TTC14: variants seen among roughly 807,000 people sequenced by gnomAD.
TTC14 encodes the protein tetratricopeptide repeat protein 14.
TTC14 carries 63 observed loss-of-function variants against 79.9 expected under a neutral mutation model. That is an observed-to-expected ratio of 0.79 (90% confidence interval 0.64 to 0.97). The LOEUF (loss-of-function observed/expected upper bound fraction) is 0.97. TTC14 is among the 50% of genes least tolerant of loss of function. The probability of loss-of-function intolerance (pLI) is 0.00; values close to 1 mark genes in which losing one functional copy is unlikely to be tolerated. For synonymous variants in TTC14, 335 were observed against 309.6 expected, an observed-to-expected ratio of 1.08 and a Z score of -0.86; for missense variants, 895 against 894.0, an observed-to-expected ratio of 1.00 and a Z score of -0.01.
At chr3:180,615,093 GAATTATA>G, downstream of TTC14, 1 of 1,505,784 alleles carries the variant, frequency 6.6e-7, no homozygotes, top group Non-Finnish European at 8.8e-7. Context: ...AGAAAAACCA[GAATTATA>G]AATTCAATGC....
downstream of TTC14, among the ~76,000 whole-genome samples, chr3:180,613,460 T>C (rs1255137936): frequency 6.6e-6 from 1 of 152,216 alleles, no homozygotes; most frequent in East Asian, 1.9e-4. Flanking sequence ...AATTCTGTGC[T>C]AAGCTCCAGG....
chr3:180,612,305 T>C (rs896381614), downstream of TTC14, among the ~76,000 whole-genome samples: 3 of 152,180 alleles, frequency 2.0e-5, no homozygotes, highest in Non-Finnish European at 4.4e-5. Flanking sequence ...GGGGTACACA[T>C]GCATTTTTGT....
At chr3:180,603,916 C>A in intron 3 of TTC14, 1 of 304,658 alleles carries the variant, frequency 3.3e-6, no homozygotes, top group South Asian at 4.3e-5. Context: ...TTCATTTTCA[C>A]TGGAATCCTT....
Position 180,602,230 on chromosome 3 carries a change from C to T in TTC14, c.-32C>T, listed in dbSNP as rs1341527696. 6.2e-7 allele frequency: 1 copy of T among 1,610,422 alleles called. No individual in the cohort carries two copies. Among genetic ancestry groups the T allele is most frequent in the Non-Finnish European group, 8.5e-7 (1 of 1,178,326 alleles). Reference sequence around the variant, plus strand: ...GGACACGGAACAGGGAACTATCAGCCCGTCGGCCTCCGGGCCCTGCATTCT... The same window carrying T: ...GGACACGGAACAGGGAACTATCAGCTCGTCGGCCTCCGGGCCCTGCATTCT... On this transcript the variant is annotated 5_prime_UTR_variant, in exon 1 of 12. Transcript: ENST00000296015.
Position 180,603,110 on chromosome 3 carries a change from T to A in TTC14, c.287-14T>A, listed in dbSNP as rs1402224049. On this transcript the variant is annotated splice_polypyrimidine_tract_variant and intron_variant, in intron 2 of 11. Coordinates refer to ENST00000296015, the MANE Select transcript of TTC14 (RefSeq NM_133462.4). ...AAACTATCGTTAGTGATTTTGTTAA[T>A]TTTTTTTTTTTAGATCATTATGCAA... The A allele has an allele frequency of 1.5e-5, 10 of 675,416 alleles. No individual in the cohort carries two copies. The highest frequency in any genetic ancestry group is 4.9e-5 in the East Asian group (1 of 20,280). The allele number at this position is 675,416 out of a possible 1,614,324, so 41.8% of individuals were successfully genotyped here.
intron 3 of TTC14, 177 bp from the exon 4 acceptor site, chr3:180,604,048 C>A: frequency 1.6e-6 from 1 of 623,822 alleles, no homozygotes; most frequent in South Asian, 2.0e-5. Flanking sequence ...ACTGAACCAG[C>A]AAACATATTT....
At position 180,610,743 on chromosome 3, in the gene TTC14, TTATGTA is replaced by T. The variant is rs1716957842; in HGVS notation, c.*207_*212del. Reference sequence around the variant, plus strand: ...TGTCACAGCTTGGTTTTTAGACTTTTTATGTATATGTTTATGTACAGTATATTACTC... The same window carrying T: ...TGTCACAGCTTGGTTTTTAGACTTTTTATGTTTATGTACAGTATATTACTC... On this transcript the variant is annotated 3_prime_UTR_variant, in exon 12 of 12. Transcript: ENST00000296015. 4 of 1,281,700 alleles carry T rather than the reference TTATGTA, an allele frequency of 3.1e-6. No individual in the cohort carries two copies. The highest frequency in any genetic ancestry group is 3.1e-4 in the Middle Eastern group (1 of 3,248). 79.4% of individuals were successfully genotyped at this position (1,281,700 alleles called of 1,614,324 possible). A position where few individuals can be genotyped will look rare whatever the true frequency, so the allele number is the denominator to read the frequency against.
At chr3:180,607,166 T>C (rs1456560409) in intron 9 of TTC14, among the ~76,000 whole-genome samples, 1 of 152,182 alleles carries the variant, frequency 6.6e-6, no homozygotes, top group African/African-American at 2.4e-5. Context: ...TTTTGACTGC[T>C]TTATGTCCAA....
At chr3:180,613,119 A>G (rs958188550), downstream of TTC14, among the ~76,000 whole-genome samples, 1 of 152,228 alleles carries the variant, frequency 6.6e-6, no homozygotes, top group African/African-American at 2.4e-5. Flanking sequence ...TTTATTAGGT[A>G]GGCGCAAAAG....
At chr3:180,607,118 C>A (rs1716741719) in intron 9 of TTC14, among the ~76,000 whole-genome samples, 2 of 152,234 alleles carry the variant, frequency 1.3e-5, no homozygotes, top group South Asian at 2.1e-4. Flanking sequence ...ATAGTAATTT[C>A]TTTTTCCTTC....
chr3:180,602,688 G>C, intron 1 of TTC14: 1 of 712,592 alleles, frequency 1.4e-6, no homozygotes, highest in East Asian at 2.8e-5. Flanking sequence ...ATCTGAGTTG[G>C]AGGCGTCACT....
chr3:180,614,973 G>A, downstream of TTC14: 1 of 1,566,576 alleles, frequency 6.4e-7, no homozygotes, highest in Non-Finnish European at 8.7e-7. Context: ...ACTAGCACTA[G>A]ATGGCCTAGA....
intron 7 of TTC14, 192 bp downstream of exon 7, chr3:180,606,029 C>T: frequency 2.5e-6 from 2 of 815,632 alleles, no homozygotes; most frequent in South Asian, 3.8e-5. Flanking sequence ...CTCAGCATTT[C>T]AGTTTTCTCA....
In TTC14 at chr3:180,610,069, G is replaced by A. The variant is rs150170833; in HGVS notation, c.1840G>A (p.Glu614Lys). Residue 614 changes from glutamate to lysine, a missense_variant, in exon 12 of 12, where the codon GAA (glutamate) becomes AAA (lysine). Physicochemically the swap from Glu to Lys is moderately conservative, Grantham distance 56. Coordinates refer to ENST00000296015, the MANE Select transcript of TTC14 (RefSeq NM_133462.4). ...AACCCAAGCAGGTAGTAGCAAAACA[G>A]AAAAGCCATATAAATCAGAAAGACA... ...YKTQAGSSKT[E>K]KPYKSERHFS... The A allele has an allele frequency of 1.4e-3, 2,223 of 1,613,828 alleles. No individual in the cohort carries two copies. Among genetic ancestry groups the A allele is most frequent in the Non-Finnish European group, 1.7e-3 (2,014 of 1,179,886 alleles).
At chr3:180,615,130 AG>A (rs1717182784), downstream of TTC14, 2 of 1,340,894 alleles carry the variant, frequency 1.5e-6, no homozygotes, top group African/African-American at 3.0e-5. Context: ...ATTTTAGTAT[AG>A]ACCCTCTCAT....
chr3:180,615,671 ATAAGT>A (rs1717204094), downstream of TTC14, among the ~76,000 whole-genome samples: 1 of 152,168 alleles, frequency 6.6e-6, no homozygotes, highest in Non-Finnish European at 1.5e-5. Context: ...TAGTAATTTA[ATAAGT>A]AGCTGCTGAA....
chr3:180,603,232 G>A lies in TTC14; in HGVS notation c.395G>A (p.Arg132Lys). The A allele has an allele frequency of 1.9e-6, 3 of 1,614,106 alleles. No individual in the cohort carries two copies. The highest frequency in any genetic ancestry group is 2.5e-6 in the Non-Finnish European group (3 of 1,180,008). The change falls in exon 3 of 12, where the codon AGA becomes AAA. Residue 132 changes from arginine (R) to lysine (K), a missense_variant. Coordinates refer to ENST00000296015, the MANE Select transcript of TTC14 (RefSeq NM_133462.4). ...GAGCGTGGTGATATAGTGATTGGAAGAATTAGTTCTATTCGGGAATTCGGT... is the reference window on the plus strand; with the variant it reads ...GAGCGTGGTGATATAGTGATTGGAAAAATTAGTTCTATTCGGGAATTCGGT... ...DIERGDIVIG[R>K]ISSIREFGFF... is the part of the protein sequence containing the mutation.
downstream of TTC14, among the ~76,000 whole-genome samples, chr3:180,613,446 C>G (rs374869137): frequency 3.8e-4 from 58 of 152,236 alleles, no homozygotes; most frequent in South Asian, 0.012. Flanking sequence ...CAAACCATTC[C>G]ACAAATTCTG....
exon 13 of TTC14, chr3:180,617,789 TA>T (rs1717303592): frequency 2.1e-5 from 6 of 287,788 alleles, no homozygotes; most frequent in Non-Finnish European, 3.8e-5. Context: ...AAGGTCAATT[TA>T]TTATTGGAGA....
Sources: allele counts gnomAD v4.1 joint callset (sites outside exome capture counted in the v4.1 genomes callset), GRCh38; gene constraint gnomAD v4.1.1; transcripts MANE v1.5; gene names NCBI Gene and HGNC (gene_info 2026-07-23, HGNC 2026-07-21).